Variants in MYO6 observed in about 807,000 individuals in gnomAD.
MYO6 encodes unconventional myosin-VI.
In MYO6, 74 loss-of-function variants were observed where a neutral mutation model predicts 178.7. That is an observed-to-expected ratio of 0.41 (90% confidence interval 0.34 to 0.50). MYO6 has a LOEUF of 0.50. Ranked by LOEUF, MYO6 falls within the 20% of genes least tolerant of loss-of-function variation. The pLI, the probability that MYO6 is intolerant of heterozygous loss-of-function variation, is 0.09. For synonymous variants in MYO6, 477 were observed against 504.6 expected, an observed-to-expected ratio of 0.95 and a Z score of 0.73; for missense variants, 1,330 against 1,547.4, an observed-to-expected ratio of 0.86 and a Z score of 2.36.
At chr6:75,849,361 C>T (rs776826598) in intron 11 of MYO6, among the ~76,000 whole-genome samples, 8 of 152,058 alleles carry the variant, frequency 5.3e-5, no homozygotes, top group Admixed American at 3.9e-4. Context: ...GATCTTATAC[C>T]AAGGATGAGT....
chr6:75,799,864 C>T (rs1769265237), intron 1 of MYO6, among the ~76,000 whole-genome samples: 1 of 152,088 alleles, frequency 6.6e-6, no homozygotes, highest in Non-Finnish European at 1.5e-5. Context: ...TTTCCTGCTT[C>T]CCCCCAGGCA....
chr6:75,820,793 T>C (rs1771791329), intron 2 of MYO6, among the ~76,000 whole-genome samples: 1 of 152,204 alleles, frequency 6.6e-6, no homozygotes, highest in Non-Finnish European at 1.5e-5. Context: ...TTCAGTAGAA[T>C]TGACTGTTGA....
rs190369519 is a variant in MYO6 at position 75,815,799 on chromosome 6, A to G, written c.-47-1702A>G. Among the ~76,000 whole-genome samples the G allele has an allele frequency of 3.6e-3, 549 of 152,362 alleles. 5 individuals carry two copies. The highest frequency in any genetic ancestry group is 0.013 in the African/African-American group (531 of 41,584). On this transcript the variant is annotated intron_variant, in intron 1 of 34. Coordinates refer to ENST00000369977, the MANE Select transcript of MYO6 (RefSeq NM_004999.4). Reference sequence around the variant, plus strand: ...CCTGAGAGCATCCACATGAGGATCCACATTTGAGAATGCCACACAAAAGGA... The same window carrying G: ...CCTGAGAGCATCCACATGAGGATCCGCATTTGAGAATGCCACACAAAAGGA...
chr6:75,895,166 C>A (rs1779197833), intron 28 of MYO6, 65 bp from the exon 29 acceptor site: 1 of 1,278,570 alleles, frequency 7.8e-7, no homozygotes, highest in Non-Finnish European at 1.1e-6. Flanking sequence ...CACAAATTTG[C>A]ACAATCCAGA....
At chr6:75,804,269 A>T (rs183615078) in intron 1 of MYO6, among the ~76,000 whole-genome samples, 13 of 152,358 alleles carry the variant, frequency 8.5e-5, no homozygotes, top group Non-Finnish European at 1.9e-4. Flanking sequence ...CTAGGTGCAC[A>T]CAAAACTTAC....
chr6:75,906,925 T>C (rs1309942223), intron 30 of MYO6, among the ~76,000 whole-genome samples: 4 of 152,222 alleles, frequency 2.6e-5, no homozygotes, highest in African/African-American at 9.6e-5. Flanking sequence ...TTATTACTTA[T>C]GAGGGTGTGT....
intron 1 of MYO6, among the ~76,000 whole-genome samples, chr6:75,806,110 A>C (rs932277343): frequency 6.6e-6 from 1 of 152,202 alleles, no homozygotes; most frequent in Non-Finnish European, 1.5e-5. Context: ...GATTCCAAAA[A>C]CAATTAAATG....
intron 10 of MYO6, among the ~76,000 whole-genome samples, chr6:75,846,277 T>C (rs896591885): frequency 6.6e-6 from 1 of 152,004 alleles, no homozygotes; most frequent in Non-Finnish European, 1.5e-5. Context: ...TACTGGTTAA[T>C]GTTACTTTTA....
intron 23 of MYO6, among the ~76,000 whole-genome samples, chr6:75,883,331 C>T (rs1194264820): frequency 8.0e-6 from 1 of 124,360 alleles, no homozygotes; most frequent in Non-Finnish European, 1.9e-5. Flanking sequence ...GGAGATAGTC[C>T]ATAGAGCTGG....
chr6:75,750,190 G>C lies in MYO6; in HGVS notation c.-48+767G>C, dbSNP rs538136381. Among the ~76,000 whole-genome samples the C allele has an allele frequency of 5.3e-5, 8 of 151,730 alleles. No individual in the cohort carries two copies. In the South Asian group the frequency reaches 1.5e-3, roughly 28 times the overall value. On this transcript the variant is annotated intron_variant, in intron 1 of 34. Transcript: ENST00000369977. ...CTCTCACTGCACCCTCCCCCTCGCG[G>C]GTTCAAGCAATTCTCTGCCACAGCC...
intron 15 of MYO6, among the ~76,000 whole-genome samples, 178 bp downstream of exon 15, chr6:75,861,273 G>A (rs550714575): frequency 2.0e-5 from 3 of 152,074 alleles, no homozygotes; most frequent in Non-Finnish European, 4.4e-5. Context: ...GACTTCAAAG[G>A]TATCTTTGTT....
intron 19 of MYO6, among the ~76,000 whole-genome samples, chr6:75,872,200 ATAAT>A (rs1186223506): frequency 6.6e-6 from 1 of 152,224 alleles, no homozygotes; most frequent in Non-Finnish European, 1.5e-5. Context: ...CATTGTTGAA[ATAAT>A]TATTTGCAAG....
chr6:75,830,324 A>C, intron 4 of MYO6, 92 bp from the exon 5 acceptor site: 1 of 1,256,326 alleles, frequency 8.0e-7, no homozygotes, highest in Non-Finnish European at 1.1e-6. Flanking sequence ...GATAATTGAA[A>C]TTTTTTGTAT....
intron 1 of MYO6, among the ~76,000 whole-genome samples, chr6:75,805,000 C>CATATATAT (rs1421900058): frequency 9.1e-5 from 6 of 65,622 alleles, no homozygotes; most frequent in African/African-American, 2.9e-4. Context: ...TATACACACA[C>CATATATAT]ACATATATAT....
intron 30 of MYO6, among the ~76,000 whole-genome samples, chr6:75,901,680 T>G (rs979068415): frequency 5.9e-5 from 9 of 152,162 alleles, no homozygotes; most frequent in African/African-American, 2.2e-4. Flanking sequence ...ACAGGGACAA[T>G]TTGACTTCCT....
At chr6:75,812,318 G>T (rs542400942) in intron 1 of MYO6, among the ~76,000 whole-genome samples, 25 of 151,984 alleles carry the variant, frequency 1.6e-4, no homozygotes, top group African/African-American at 5.8e-4. Context: ...AATTTTTTTT[G>T]TGTGTGTTGA....
At chr6:75,809,816 A>C (rs1426330848) in intron 1 of MYO6, among the ~76,000 whole-genome samples, 1 of 150,596 alleles carries the variant, frequency 6.6e-6, no homozygotes, top group Non-Finnish European at 1.5e-5. Context: ...TAATCCCAGC[A>C]CTTTGGGAGG....
At chr6:75,908,272 G>A (rs1433450863) in intron 31 of MYO6, among the ~76,000 whole-genome samples, 3 of 152,066 alleles carry the variant, frequency 2.0e-5, no homozygotes, top group Non-Finnish European at 4.4e-5. Context: ...TTCTTCTGTG[G>A]AGCAGATGAT....
chr6:75,785,448 GTTTTGTTTTTTGGTCTTTTCTTTTCT>G (rs1257281987), intron 1 of MYO6, among the ~76,000 whole-genome samples: 5 of 145,534 alleles, frequency 3.4e-5, no homozygotes, highest in Non-Finnish European at 7.6e-5. Flanking sequence ...TTTTTGTTTT[GTTTTGTTTTTTGGTCTTTTCTTTTCT>G]TTTTTTTTTT....
Sources: gnomAD v4.1 joint callset for allele counts (sites outside exome capture counted in the v4.1 genomes callset) on GRCh38, gnomAD v4.1.1 for gene constraint, MANE v1.5 for transcripts, NCBI Gene and HGNC (gene_info 2026-07-23, HGNC 2026-07-21) for gene names.